Variants in FGF14 observed in about 807,000 individuals in gnomAD.
FGF14 encodes fibroblast growth factor 14, also known as fibroblast growth factor homologous factor 4.
In FGF14, 5 loss-of-function variants were observed where a neutral mutation model predicts 25.5. That is an observed-to-expected ratio of 0.20 (90% confidence interval 0.10 to 0.41). The LOEUF is 0.41. FGF14 is among the 10% of genes least tolerant of loss of function. The pLI, the probability that FGF14 is intolerant of heterozygous loss-of-function variation, is 1.00. For missense variants in FGF14, 222 were observed against 320.1 expected (o/e 0.69, Z 2.34); for synonymous variants, 138 against 118.3 (o/e 1.17, Z -1.08).
chr13:101,910,645 G>A (rs1052726276), intron 1 of FGF14, among the ~76,000 whole-genome samples: 5 of 151,994 alleles, frequency 3.3e-5, no homozygotes, highest in Admixed American at 2.6e-4. Flanking sequence ...GCATTTCTAC[G>A]CATGCCTACT....
chr13:101,769,293 C>T (rs1381066522), intron 3 of FGF14, among the ~76,000 whole-genome samples: 1 of 151,780 alleles, frequency 6.6e-6, no homozygotes, highest in Non-Finnish European at 1.5e-5. Context: ...AAAACTTACA[C>T]AATCAAATAC....
intron 1 of FGF14, among the ~76,000 whole-genome samples, chr13:101,993,034 A>T (rs1025184664): frequency 1.3e-5 from 2 of 151,952 alleles, no homozygotes; most frequent in African/African-American, 4.8e-5. Context: ...ATCATACTCA[A>T]ACTGCAGAAA....
chr13:102,136,846 A>G lies in FGF14; in HGVS notation c.209-261550T>C, dbSNP rs565046232. On this transcript the variant is annotated intron_variant, in intron 1 of 4. Transcript: ENST00000376131. ...CATATGTATTTGATGTATGCCAGATAAAAAGAAAACAATGATCCAGAGCTA... is the reference window on the plus strand; with the variant it reads ...CATATGTATTTGATGTATGCCAGATGAAAAGAAAACAATGATCCAGAGCTA... Among the ~76,000 whole-genome samples the G allele has an allele frequency of 5.4e-4, 82 of 152,328 alleles. 1 individual carries two copies. Among genetic ancestry groups the G allele is most frequent in the African/African-American group, 1.8e-3 (75 of 41,576 alleles).
chr13:101,893,140 G>A (rs2030013739), intron 1 of FGF14, among the ~76,000 whole-genome samples: 1 of 152,224 alleles, frequency 6.6e-6, no homozygotes, highest in Non-Finnish European at 1.5e-5. Flanking sequence ...AGGCAGGATG[G>A]TAGGATTTTA....
intron 3 of FGF14, among the ~76,000 whole-genome samples, chr13:101,828,694 C>T (rs556385724): frequency 1.3e-5 from 2 of 152,000 alleles, no homozygotes; most frequent in South Asian, 2.1e-4. Context: ...GAGTTTAATC[C>T]ACAGGTTAAT....
At chr13:102,354,329 C>T (rs1351080702) in intron 1 of FGF14, 3 of 152,210 alleles carry the variant, frequency 2.0e-5, no homozygotes. Flanking sequence ...TGTACATTCA[C>T]TGAGCCAGAC....
intron 3 of FGF14, among the ~76,000 whole-genome samples, chr13:101,782,939 T>A (rs1019779752): frequency 2.0e-5 from 3 of 152,224 alleles, no homozygotes; most frequent in Non-Finnish European, 2.9e-5. Flanking sequence ...TTTAGGTCTT[T>A]GAGGAATTGT....
chr13:102,166,885 T>C (rs2048035649), intron 1 of FGF14, among the ~76,000 whole-genome samples: 1 of 152,200 alleles, frequency 6.6e-6, no homozygotes, highest in African/African-American at 2.4e-5. Context: ...CAGTATTTGC[T>C]AATTCACTGT....
intron 1 of FGF14, among the ~76,000 whole-genome samples, chr13:102,318,140 T>C (rs1428391193): frequency 6.6e-6 from 1 of 152,152 alleles, no homozygotes; most frequent in Non-Finnish European, 1.5e-5. Context: ...CCCAAGTATC[T>C]TGAAAGCTGA....
chr13:102,400,687 T>C lies in FGF14; in HGVS notation c.208+784A>G, dbSNP rs1008622315. ...TGGAATCGGGGCGCATGATCACCAG[T>C]AGGCTTAAAAGCAGGAACTCACGGC... On this transcript the variant is annotated intron_variant, in intron 1 of 4. Transcript: ENST00000376131. This position sits in a 1 kb window ranked among gnomAD's most constrained non-coding sequence, Gnocchi z 4.3. 3.3e-5 allele frequency among the ~76,000 whole-genome samples: 5 copies of C among 152,186 alleles called. No homozygotes were observed. Among genetic ancestry groups the C allele is most frequent in the Admixed American group, 1.3e-4 (2 of 15,280 alleles).
At chr13:102,082,795 A>G (rs1484715608) in intron 1 of FGF14, among the ~76,000 whole-genome samples, 1 of 115,014 alleles carries the variant, frequency 8.7e-6, no homozygotes, top group East Asian at 2.8e-4. Flanking sequence ...TCTACTAAAA[A>G]TACAAAAAAA....
At chr13:101,847,598 A>G in intron 3 of FGF14, among the ~76,000 whole-genome samples, 1 of 152,108 alleles carries the variant, frequency 6.6e-6, no homozygotes, top group East Asian at 1.9e-4. Flanking sequence ...GGGGTGATTG[A>G]TGGAAATCAA....
intron 1 of FGF14, among the ~76,000 whole-genome samples, chr13:102,029,553 A>G (rs1210295088): frequency 6.6e-6 from 1 of 152,110 alleles, no homozygotes; most frequent in African/African-American, 2.4e-5. Flanking sequence ...TTTAAGCTAC[A>G]TTAAACTATA....
At chr13:102,216,754 C>G (rs776091848) in intron 1 of FGF14, among the ~76,000 whole-genome samples, 16 of 69,028 alleles carry the variant, frequency 2.3e-4, no homozygotes, top group Non-Finnish European at 4.2e-4. Flanking sequence ...AGAACTTATT[C>G]CTCCTATCTA....
At chr13:101,809,327 C>T (rs1360730133) in intron 3 of FGF14, among the ~76,000 whole-genome samples, 2 of 151,960 alleles carry the variant, frequency 1.3e-5, no homozygotes, top group African/African-American at 4.8e-5. Context: ...GCCTTTTTAC[C>T]AATGGCCAAT....
intron 1 of FGF14, among the ~76,000 whole-genome samples, chr13:102,064,202 T>G (rs866567782): frequency 2.5e-4 from 38 of 152,204 alleles, no homozygotes; most frequent in Admixed American, 1.2e-3. Flanking sequence ...GCATAAAACT[T>G]GGACAGTATT....
chr13:101,741,162 C>G (rs1412472260), intron 3 of FGF14, among the ~76,000 whole-genome samples: 1 of 152,130 alleles, frequency 6.6e-6, no homozygotes, highest in African/African-American at 2.4e-5. Context: ...ATGGTGAAAC[C>G]CTGTCTCTAC....
In FGF14 at chr13:102,362,727, A is replaced by G. The variant is rs530371998; in HGVS notation, c.208+38744T>C. On this transcript the variant is annotated intron_variant, in intron 1 of 4. Coordinates refer to the FGF14 transcript ENST00000376131. ...TGAGAACAGAACCCACGGTCCCCACACCACTATTTTATCCAATGCCAAAAG... is the reference window on the plus strand; with the variant it reads ...TGAGAACAGAACCCACGGTCCCCACGCCACTATTTTATCCAATGCCAAAAG... 3.3e-5 allele frequency among the ~76,000 whole-genome samples: 5 copies of G among 152,272 alleles called. No individual in the cohort carries two copies. The South Asian group carries it at 1.0e-3, about 32-fold the overall frequency.
intron 1 of FGF14, among the ~76,000 whole-genome samples, chr13:102,336,066 A>G (rs1178098139): frequency 6.6e-6 from 1 of 152,140 alleles, no homozygotes; most frequent in Non-Finnish European, 1.5e-5. Flanking sequence ...AGAACCCTAC[A>G]TGGCCTCTAA....
Sources: allele counts gnomAD v4.1 joint callset (sites outside exome capture counted in the v4.1 genomes callset), GRCh38; gene constraint gnomAD v4.1.1; non-coding constraint Gnocchi (gnomAD v3.1); transcripts MANE v1.5; gene names NCBI Gene and HGNC (gene_info 2026-07-23, HGNC 2026-07-21).